Variants in B3GAT2 observed in about 807,000 individuals in gnomAD.
The protein encoded by B3GAT2 is galactosylgalactosylxylosylprotein 3-beta-glucuronosyltransferase 2.
A neutral mutation model predicts 27.8 loss-of-function variants in B3GAT2; 26 were observed. The ratio of observed to expected loss-of-function variants is 0.93; its 90% confidence interval spans 0.68 to 1.30. The LOEUF (loss-of-function observed/expected upper bound fraction) is 1.30. B3GAT2 is among the 50% of genes most tolerant of loss of function. The pLI is 0.00. For synonymous variants in B3GAT2, 218 were observed against 195.1 expected, an observed-to-expected ratio of 1.12 and a Z score of -0.98; for missense variants, 458 against 459.0, an observed-to-expected ratio of 1.00 and a Z score of 0.02.
At chr6:70,900,441 G>A (rs945718817) in intron 1 of B3GAT2, among the ~76,000 whole-genome samples, 1 of 150,046 alleles carries the variant, frequency 6.7e-6, no homozygotes, top group Non-Finnish European at 1.5e-5. Context: ...GGTCTCCTCT[G>A]TCACCCAGGC....
chr6:70,924,145 TC>T (rs1268684439), intron 1 of B3GAT2, among the ~76,000 whole-genome samples: 4 of 151,806 alleles, frequency 2.6e-5, no homozygotes, highest in Non-Finnish European at 5.9e-5. Flanking sequence ...ATAAAACACT[TC>T]CCCCAAAATT....
At chr6:70,887,065 A>G (rs981848329) in intron 2 of B3GAT2, among the ~76,000 whole-genome samples, 1 of 152,216 alleles carries the variant, frequency 6.6e-6, no homozygotes, top group African/African-American at 2.4e-5. Flanking sequence ...TTCTCATAGA[A>G]AACATTCATG....
At chr6:70,937,016 T>C (rs1428906931) in intron 1 of B3GAT2, among the ~76,000 whole-genome samples, 4 of 150,108 alleles carry the variant, frequency 2.7e-5, no homozygotes, top group Non-Finnish European at 4.5e-5. Context: ...GCAAGACTAA[T>C]AAAGAAGAAA....
intron 2 of B3GAT2, among the ~76,000 whole-genome samples, chr6:70,881,259 A>G (rs1421764848): frequency 2.0e-5 from 3 of 152,002 alleles, no homozygotes; most frequent in African/African-American, 7.3e-5. Context: ...CTCTCCAATG[A>G]CTCTTTCCTC....
At chr6:70,929,642 G>A (rs1773027502) in intron 1 of B3GAT2, among the ~76,000 whole-genome samples, 1 of 152,196 alleles carries the variant, frequency 6.6e-6, no homozygotes, top group Non-Finnish European at 1.5e-5. Flanking sequence ...TACAAGGGAT[G>A]TGAAGGACCT....
chr6:70,952,601 A>G (rs929891827), intron 1 of B3GAT2, among the ~76,000 whole-genome samples: 2 of 152,176 alleles, frequency 1.3e-5, no homozygotes, highest in African/African-American at 4.8e-5. Flanking sequence ...TAGGATGCAC[A>G]GGGAGGCAGG....
chr6:70,950,660 C>T (rs150660554), intron 1 of B3GAT2, among the ~76,000 whole-genome samples: 22 of 152,288 alleles, frequency 1.4e-4, no homozygotes, highest in African/African-American at 5.1e-4. Flanking sequence ...AGGTAAACAA[C>T]TATATTACCG....
rs1371723734 is a variant in B3GAT2, at chr6:70,864,601, C to T, written c.737-2623G>A. On this transcript the variant is annotated intron_variant, in intron 2 of 3. Coordinates refer to ENST00000230053, the MANE Select transcript of B3GAT2 (RefSeq NM_080742.3). ...GCCCCACAATCAGCTAACGCAATTT[C>T]CTTTGCTCAGTGATCTCTTGAAAGG... Among the ~76,000 whole-genome samples, 6 of 152,258 alleles carry T rather than the reference C, an allele frequency of 3.9e-5. No homozygotes were observed. In the East Asian group the frequency reaches 1.2e-3, roughly 29 times the overall value.
chr6:70,893,238 T>C (rs1007572914), intron 2 of B3GAT2, among the ~76,000 whole-genome samples: 2 of 152,040 alleles, frequency 1.3e-5, no homozygotes, highest in African/African-American at 4.8e-5. Flanking sequence ...CTCCATCCCA[T>C]CAGAATTCTG....
At chr6:70,884,267 C>T (rs1233617398) in intron 2 of B3GAT2, among the ~76,000 whole-genome samples, 1 of 152,128 alleles carries the variant, frequency 6.6e-6, no homozygotes, top group Non-Finnish European at 1.5e-5. Flanking sequence ...ATTAGACCCT[C>T]CTCAGAGAGC....
rs933184724 is a variant in B3GAT2 at position 70,859,933 on chromosome 6, C to A, written c.*1730G>T. ...TGTAGGTGAAAGTTAGTTAGAGTAG[C>A]GGACTCATTAAAATCCCAAGATTGC... On this transcript the variant is annotated 3_prime_UTR_variant, in exon 4 of 4. Coordinates refer to ENST00000230053, the MANE Select transcript of B3GAT2 (RefSeq NM_080742.3). The A allele has an allele frequency of 6.2e-6, 2 of 321,168 alleles. No individual in the cohort carries two copies. The highest frequency in any genetic ancestry group is 4.3e-5 in the African/African-American group (2 of 46,486). The allele number at this position is 321,168 out of a possible 1,614,324, so 19.9% of individuals were successfully genotyped here.
intron 1 of B3GAT2, among the ~76,000 whole-genome samples, chr6:70,905,437 A>G (rs967050713): frequency 3.9e-5 from 6 of 152,244 alleles, no homozygotes; most frequent in South Asian, 2.1e-4. Context: ...TTATCTGGAT[A>G]TCAAAAGGAA....
rs752093504 is a variant in B3GAT2, at chr6:70,956,193, C to CAGCTGCGGCTCCGGCTGT, written c.219_236dup (p.Gln74_Leu79dup). 2.5e-6 allele frequency: 4 copies of CAGCTGCGGCTCCGGCTGT among 1,611,638 alleles called. No homozygotes were observed. The highest frequency in any genetic ancestry group is 3.4e-6 in the Non-Finnish European group (4 of 1,178,750). ...TGGGCGTGATGGCATAGATGGTGGG[C>CAGCTGCGGCTCCGGCTGT]AGCTGCGGCTCCGGCTGTGGCTGCG... On this transcript the variant is annotated inframe_insertion, in exon 1 of 4. Coordinates refer to ENST00000230053, the MANE Select transcript of B3GAT2 (RefSeq NM_080742.3).
intron 1 of B3GAT2, among the ~76,000 whole-genome samples, chr6:70,920,490 C>T (rs756221642): frequency 6.6e-6 from 1 of 152,222 alleles, no homozygotes; most frequent in African/African-American, 2.4e-5. Context: ...GCAGAAATTA[C>T]CTGTCTTCTG....
intron 1 of B3GAT2, among the ~76,000 whole-genome samples, chr6:70,942,912 C>T (rs1765417418): frequency 6.6e-6 from 1 of 152,168 alleles, no homozygotes; most frequent in South Asian, 2.1e-4. Context: ...CAGCATTTAG[C>T]ACACTCAGCT....
intron 1 of B3GAT2, among the ~76,000 whole-genome samples, chr6:70,947,130 G>A (rs1292340063): frequency 6.6e-6 from 1 of 151,626 alleles, no homozygotes; most frequent in Non-Finnish European, 1.5e-5. Context: ...GAGAAAGCAG[G>A]AAAGATTCAA....
chr6:70,922,550 A>C (rs1772886302), intron 1 of B3GAT2, among the ~76,000 whole-genome samples: 1 of 152,160 alleles, frequency 6.6e-6, no homozygotes, highest in South Asian at 2.1e-4. Flanking sequence ...TAAGTATTTC[A>C]AAATTAGCAT....
chr6:70,868,143 T>G (rs1159893332), intron 2 of B3GAT2, among the ~76,000 whole-genome samples: 1 of 152,112 alleles, frequency 6.6e-6, no homozygotes, highest in Non-Finnish European at 1.5e-5. Context: ...AAACTAAGAC[T>G]AGAAGTGAAC....
At chr6:70,862,281 AC>A (rs916638704) in intron 2 of B3GAT2, among the ~76,000 whole-genome samples, 2 of 152,096 alleles carry the variant, frequency 1.3e-5, no homozygotes, top group African/African-American at 4.8e-5. Context: ...GTGATCATCA[AC>A]CCCCCACATT....
Sources: gnomAD v4.1 joint callset for allele counts (sites outside exome capture counted in the v4.1 genomes callset) on GRCh38, gnomAD v4.1.1 for gene constraint, MANE v1.5 for transcripts, NCBI Gene and HGNC (gene_info 2026-07-23, HGNC 2026-07-21) for gene names.